Variants in RGS7 observed in about 807,000 individuals in gnomAD.
The protein encoded by RGS7 is regulator of G-protein signaling 7.
In RGS7, 27 loss-of-function variants were observed where a neutral mutation model predicts 81.1. The ratio of observed to expected loss-of-function variants is 0.33; its 90% confidence interval spans 0.25 to 0.46. The LOEUF (loss-of-function observed/expected upper bound fraction) is 0.46, where lower values mean the gene tolerates loss of function less well. RGS7 is among the 20% of genes least tolerant of loss of function. The pLI, the probability that RGS7 is intolerant of heterozygous loss-of-function variation, is 1.00. For missense variants in RGS7, 396 were observed against 607.4 expected, an observed-to-expected ratio of 0.65 and a Z score of 3.66; for synonymous variants, 208 against 207.7, an observed-to-expected ratio of 1.00 and a Z score of -0.01.
At chr1:240,901,944 T>C (rs1284709499) in intron 6 of RGS7, among the ~76,000 whole-genome samples, 1 of 152,238 alleles carries the variant, frequency 6.6e-6, no homozygotes, top group Non-Finnish European at 1.5e-5. Flanking sequence ...TAGCTACCAT[T>C]TCTTTGTGTC....
chr1:240,933,176 C>A (rs1356099495), intron 5 of RGS7, among the ~76,000 whole-genome samples: 1 of 151,810 alleles, frequency 6.6e-6, no homozygotes, highest in Non-Finnish European at 1.5e-5. Context: ...GCCACCGCGC[C>A]CGGCCGGTGT....
At chr1:241,270,681 G>A (rs1272130487) in intron 2 of RGS7, among the ~76,000 whole-genome samples, 1 of 151,834 alleles carries the variant, frequency 6.6e-6, no homozygotes, top group Non-Finnish European at 1.5e-5. Flanking sequence ...GGAGGTTGTT[G>A]CCCTATGTCA....
At chr1:240,819,045 AATT>A (rs1394316713) in intron 10 of RGS7, among the ~76,000 whole-genome samples, 1 of 152,234 alleles carries the variant, frequency 6.6e-6, no homozygotes, top group Non-Finnish European at 1.5e-5. Flanking sequence ...AAATATGTGC[AATT>A]ATTATTTGTC....
intron 18 of RGS7, among the ~76,000 whole-genome samples, chr1:240,783,442 C>T (rs1041523609): frequency 6.7e-6 from 1 of 148,880 alleles, no homozygotes; most frequent in African/African-American, 2.5e-5. Flanking sequence ...GCCAACATGG[C>T]AAAACCCCAT....
chr1:240,803,939 A>T (rs185301142), intron 15 of RGS7, among the ~76,000 whole-genome samples: 5 of 152,248 alleles, frequency 3.3e-5, no homozygotes, highest in Non-Finnish European at 1.5e-5. Flanking sequence ...AATAATTTGA[A>T]GTTACTTTAA....
At chr1:240,988,694 G>A (rs1686020247) in intron 3 of RGS7, among the ~76,000 whole-genome samples, 1 of 152,210 alleles carries the variant, frequency 6.6e-6, no homozygotes, top group Non-Finnish European at 1.5e-5. Context: ...GAGCAGGAGA[G>A]ATGAACTCCA....
intron 3 of RGS7, among the ~76,000 whole-genome samples, chr1:241,028,552 A>C (rs915665782): frequency 2.6e-5 from 4 of 152,096 alleles, no homozygotes; most frequent in Non-Finnish European, 5.9e-5. Context: ...TGAAACAGGG[A>C]GGAGGAGAGC....
intron 4 of RGS7, among the ~76,000 whole-genome samples, chr1:240,964,607 G>A (rs549497113): frequency 2.6e-5 from 4 of 152,236 alleles, no homozygotes; most frequent in African/African-American, 9.6e-5. Context: ...GCAGTGATGT[G>A]TTTATTAATC....
At position 240,868,531 on chromosome 1, in the gene RGS7, T is replaced by C; in HGVS notation, c.609+56A>G. 1 of 1,513,348 alleles carries C rather than the reference T, an allele frequency of 6.6e-7. No individual in the cohort carries two copies. The highest frequency in any genetic ancestry group is 9.2e-7 in the Non-Finnish European group (1 of 1,089,172). The allele number at this position is 1,513,348 out of a possible 1,614,324, so 93.7% of individuals were successfully genotyped here. On this transcript the variant is annotated intron_variant, in intron 9 of 18. Coordinates refer to ENST00000440928, the MANE Select transcript of RGS7 (RefSeq NM_001364886.1). This position sits in a 1 kb window ranked among gnomAD's most constrained non-coding sequence, Gnocchi z 5.1. The stretch of plus-strand genomic sequence containing the variant: ...TTCACTTACTTTGGCAGGGCACCCC[T>C]CACTTCCCACAGACGGAGAAGATGG...
intron 2 of RGS7, among the ~76,000 whole-genome samples, chr1:241,180,137 AGCCGAGGCAG>A (rs1393062371): frequency 6.6e-6 from 1 of 152,072 alleles, no homozygotes; most frequent in African/African-American, 2.4e-5. Flanking sequence ...CACTTTGGGA[AGCCGAGGCAG>A]GCGGATCACG....
intron 3 of RGS7, among the ~76,000 whole-genome samples, chr1:241,042,918 T>C (rs1414785219): frequency 6.7e-6 from 1 of 149,664 alleles, no homozygotes; most frequent in Admixed American, 6.7e-5. Context: ...ATTGCACCAT[T>C]GCACTCCAGC....
chr1:241,213,634 A>G (rs1272597402), intron 2 of RGS7, among the ~76,000 whole-genome samples: 1 of 152,234 alleles, frequency 6.6e-6, no homozygotes, highest in Non-Finnish European at 1.5e-5. Flanking sequence ...AACTTCTTAC[A>G]GTGTAATTTC....
chr1:241,156,175 T>TAGATAG (rs1197309050), intron 2 of RGS7, among the ~76,000 whole-genome samples: 187 of 150,762 alleles, frequency 1.2e-3, no homozygotes, highest in Middle Eastern at 6.9e-3. Flanking sequence ...GATAGATACA[T>TAGATAG]ATACATAGAC....
chr1:241,287,346 G>C (rs190409976), intron 2 of RGS7, among the ~76,000 whole-genome samples: 1 of 152,234 alleles, frequency 6.6e-6, no homozygotes, highest in Non-Finnish European at 1.5e-5. Context: ...CATGGAGGCG[G>C]GTCTTTCCTG....
intron 3 of RGS7, among the ~76,000 whole-genome samples, chr1:241,045,595 C>G (rs1470821114): frequency 1.3e-5 from 2 of 152,136 alleles, no homozygotes; most frequent in African/African-American, 4.8e-5. Flanking sequence ...AATTCCTGAT[C>G]TCATGTGATC....
At position 241,273,294 on chromosome 1, in the gene RGS7, G is replaced by A. The variant is rs72760548; in HGVS notation, c.78+82405C>T. Among the ~76,000 whole-genome samples, 755 of 149,206 alleles carry A rather than the reference G, an allele frequency of 5.1e-3. 6 individuals are homozygous for A. Among genetic ancestry groups the A allele is most frequent in the Middle Eastern group, 0.011 (3 of 284 alleles). Reference sequence around the variant, plus strand: ...AGATTCAGTTGACCACTAACTATAAGTTTGAAGACATGATAGGACTTTCTC... The same window carrying A: ...AGATTCAGTTGACCACTAACTATAAATTTGAAGACATGATAGGACTTTCTC... On this transcript the variant is annotated intron_variant, in intron 2 of 18. Transcript: ENST00000440928.
At chr1:240,814,498 A>G (rs879754265) in intron 12 of RGS7, among the ~76,000 whole-genome samples, 1 of 152,238 alleles carries the variant, frequency 6.6e-6, no homozygotes, top group African/African-American at 2.4e-5. Flanking sequence ...CTGGATGTCT[A>G]GACATTTAAG....
intron 2 of RGS7, among the ~76,000 whole-genome samples, chr1:241,327,950 C>A (rs2081717151): frequency 6.6e-6 from 1 of 152,066 alleles, no homozygotes; most frequent in Admixed American, 6.6e-5. Flanking sequence ...ACCATATTTT[C>A]AAAGCAGAAA....
intron 2 of RGS7, among the ~76,000 whole-genome samples, chr1:241,171,331 T>C (rs902174643): frequency 2.0e-5 from 3 of 152,228 alleles, no homozygotes; most frequent in Non-Finnish European, 2.9e-5. Flanking sequence ...TTTTTCCTAA[T>C]TTCTCAGCAT....
Sources: gnomAD v4.1 joint callset for allele counts (sites outside exome capture counted in the v4.1 genomes callset) on GRCh38, gnomAD v4.1.1 for gene constraint, Gnocchi (gnomAD v3.1) non-coding constraint, MANE v1.5 for transcripts, NCBI Gene and HGNC (gene_info 2026-07-23, HGNC 2026-07-21) for gene names.